TJP1: variants seen among roughly 807,000 people sequenced by gnomAD.
TJP1 encodes tight junction protein 1, also known as tight junction protein ZO-1.
TJP1 carries 43 observed loss-of-function variants against 194.2 expected under a neutral mutation model. The observed-to-expected ratio is 0.22, with a 90% CI of 0.17 to 0.29. The LOEUF (loss-of-function observed/expected upper bound fraction) is 0.29. TJP1 is among the 10% of genes least tolerant of loss of function. The probability of loss-of-function intolerance (pLI) is 1.00; values close to 1 mark genes in which losing one functional copy is unlikely to be tolerated. For missense variants in TJP1, 1,971 were observed against 2,185.7 expected (o/e 0.90, Z 1.96); for synonymous variants, 801 against 779.0 (o/e 1.03, Z -0.47).
At chr15:29,769,833 A>T (rs549932792) in intron 4 of TJP1, among the ~76,000 whole-genome samples, 2 of 152,280 alleles carry the variant, frequency 1.3e-5, no homozygotes, top group Admixed American at 1.3e-4. Context: ...CTTGATAATG[A>T]CTATGTTACT....
At chr15:29,711,691 C>T (rs764191724) in intron 23 of TJP1, among the ~76,000 whole-genome samples, 9 of 152,060 alleles carry the variant, frequency 5.9e-5, no homozygotes, top group Non-Finnish European at 1.3e-4. Context: ...GATTTTGTAT[C>T]TGGCATCTGG....
intron 2 of TJP1, among the ~76,000 whole-genome samples, chr15:29,883,280 A>T (rs61038311): frequency 9.4e-6 from 1 of 106,392 alleles, no homozygotes; most frequent in Non-Finnish European, 2.0e-5. Context: ...CGTTTCCTGC[A>T]GCCCTGGGAC....
chr15:29,877,744 C>T (rs904495070), intron 2 of TJP1, among the ~76,000 whole-genome samples: 3 of 151,738 alleles, frequency 2.0e-5, no homozygotes, highest in Non-Finnish European at 4.4e-5. Flanking sequence ...CTGCAACCTC[C>T]GCCTCCCAGG....
intron 2 of TJP1, among the ~76,000 whole-genome samples, chr15:29,851,348 A>C (rs2051635311): frequency 6.6e-6 from 1 of 152,122 alleles, no homozygotes; most frequent in African/African-American, 2.4e-5. Context: ...ACTATAGGCA[A>C]TTTTATACTC....
At chr15:29,806,378 A>T (rs1161288878) in intron 1 of TJP1, among the ~76,000 whole-genome samples, 1 of 152,218 alleles carries the variant, frequency 6.6e-6, no homozygotes, top group Non-Finnish European at 1.5e-5. Flanking sequence ...AAGATCCCTC[A>T]ATTTTTTAGA....
chr15:29,773,131 T>G, intron 3 of TJP1, 102 bp downstream of exon 3: 1 of 1,364,618 alleles, frequency 7.3e-7, no homozygotes. Context: ...AGGTGGAGTG[T>G]GAATATGACA....
intron 2 of TJP1, among the ~76,000 whole-genome samples, chr15:29,875,359 T>G (rs1486045159): frequency 6.6e-6 from 1 of 152,226 alleles, no homozygotes; most frequent in Non-Finnish European, 1.5e-5. Flanking sequence ...TTCATTTTAC[T>G]TAAGTACTTG....
At chr15:29,818,898 A>T (rs2050129698) in intron 1 of TJP1, among the ~76,000 whole-genome samples, 1 of 150,702 alleles carries the variant, frequency 6.6e-6, no homozygotes, top group African/African-American at 2.4e-5. Flanking sequence ...GCTCAATGCA[A>T]CCTCCGCCTT....
At chr15:29,772,245 A>T (rs754318204) in intron 3 of TJP1, 79 bp from the exon 4 acceptor site, 44 of 805,740 alleles carry the variant, frequency 5.5e-5, no homozygotes, top group Non-Finnish European at 8.1e-5. Flanking sequence ...CAAGATAGGT[A>T]CTTCTAAAAT....
chr15:29,903,570 A>T (rs1034216509), intron 2 of TJP1, among the ~76,000 whole-genome samples: 4 of 151,740 alleles, frequency 2.6e-5, no homozygotes, highest in Non-Finnish European at 5.9e-5. Context: ...TCAGCCTCCC[A>T]AGTAGCTGGG....
At chr15:29,941,851 CA>C (rs1232616086) in intron 2 of TJP1, among the ~76,000 whole-genome samples, 2 of 151,938 alleles carry the variant, frequency 1.3e-5, no homozygotes, top group African/African-American at 4.8e-5. Context: ...TGTGATGGGA[CA>C]GGGGAGTCTC....
chr15:29,855,504 A>T (rs1596114893), intron 2 of TJP1, among the ~76,000 whole-genome samples: 1 of 152,172 alleles, frequency 6.6e-6, no homozygotes, highest in East Asian at 1.9e-4. Flanking sequence ...TGTAGCTCCA[A>T]AATATGTCAA....
At chr15:29,794,103 G>A (rs2048261458) in intron 2 of TJP1, among the ~76,000 whole-genome samples, 4 of 152,060 alleles carry the variant, frequency 2.6e-5, no homozygotes, top group South Asian at 2.1e-4. Context: ...GCTTTTCTTT[G>A]ATGATTTTCT....
chr15:29,733,321 G>C lies in TJP1; in HGVS notation c.1517-8C>G. On this transcript the variant is annotated splice_region_variant and splice_polypyrimidine_tract_variant and intron_variant, in intron 12 of 27. Coordinates refer to ENST00000614355, the MANE Select transcript of TJP1 (RefSeq NM_001330239.4). ...CTACAATGCGACGATAAACTAAAAG[G>C]AATAAAAACAAACACATTATCAATA... is the stretch of plus-strand genomic sequence containing the variant. 2 of 1,575,054 alleles carry C rather than the reference G, an allele frequency of 1.3e-6. No homozygotes were observed. The highest frequency in any genetic ancestry group is 1.7e-6 in the Non-Finnish European group (2 of 1,148,890).
At chr15:29,874,951 G>C (rs915071826) in intron 2 of TJP1, among the ~76,000 whole-genome samples, 6 of 152,180 alleles carry the variant, frequency 3.9e-5, no homozygotes, top group African/African-American at 1.4e-4. Context: ...CATTTTTTAA[G>C]GGTATTAGAT....
intron 2 of TJP1, among the ~76,000 whole-genome samples, chr15:29,906,422 C>T (rs190011720): frequency 1.3e-5 from 2 of 150,206 alleles, no homozygotes; most frequent in African/African-American, 2.5e-5. Context: ...GAGCCGAGAT[C>T]GCACCATTGC....
rs778302010 is a variant in TJP1, at chr15:29,710,847, C to T, written c.4356G>A (p.Lys1452=). The change falls in exon 24 of 28, where the codon AAG becomes AAA. Residue 1452 remains lysine, a synonymous_variant. Transcript: ENST00000614355. The stretch of plus-strand genomic sequence containing the variant: ...ACTTCCTACCTTCACCATGTGCTCC[C>T]TTAGAATGTATGTGGAGAGACGCGC... ...VTSASLHIHS[K]GAHGEGNSVS... 1.2e-6 allele frequency: 2 copies of T among 1,614,048 alleles called. No individual in the cohort carries two copies. The highest frequency in any genetic ancestry group is 8.5e-7 in the Non-Finnish European group (1 of 1,180,036).
chr15:29,961,257 T>C (rs1187489721), intron 1 of TJP1, among the ~76,000 whole-genome samples: 2 of 151,996 alleles, frequency 1.3e-5, no homozygotes, highest in Admixed American at 1.3e-4. Flanking sequence ...TGGCCCTTTA[T>C]GACAGGGAAA....
chr15:29,730,719 A>G (rs2043584272), intron 15 of TJP1: 11 of 765,856 alleles, frequency 1.4e-5, no homozygotes, highest in South Asian at 1.3e-4. Flanking sequence ...CACCATGCCC[A>G]AGAGAAAGGC....
Sources: gnomAD v4.1 joint callset for allele counts (sites outside exome capture counted in the v4.1 genomes callset) on GRCh38, gnomAD v4.1.1 for gene constraint, MANE v1.5 for transcripts, NCBI Gene and HGNC (gene_info 2026-07-23, HGNC 2026-07-21) for gene names.